The following LIMCH1 variants were observed in gnomAD, a reference collection of about 807,000 sequenced individuals.
LIMCH1 encodes the protein LIM and calponin homology domains-containing protein 1.
A neutral mutation model predicts 176.5 loss-of-function variants in LIMCH1; 113 were observed. That is an observed-to-expected ratio of 0.64 (90% CI 0.55 to 0.75). LIMCH1 has a LOEUF of 0.75. LIMCH1 is among the 30% of genes least tolerant of loss of function. The pLI is 0.00. For synonymous variants in LIMCH1, 619 were observed against 645.9 expected, an observed-to-expected ratio of 0.96 and a Z score of 0.63; for missense variants, 1,674 against 1,814.9, an observed-to-expected ratio of 0.92 and a Z score of 1.41.
chr4:41,450,173 GTTATATA>G (rs888954429), intron 1 of LIMCH1, among the ~76,000 whole-genome samples: 1 of 152,168 alleles, frequency 6.6e-6, no homozygotes, highest in African/African-American at 2.4e-5. Flanking sequence ...CACAATTAAA[GTTATATA>G]TTATTAGGGA....
intron 22 of LIMCH1, among the ~76,000 whole-genome samples, chr4:41,675,335 A>C (rs2095180249): frequency 6.6e-6 from 1 of 151,890 alleles, no homozygotes; most frequent in Admixed American, 6.6e-5. Context: ...CACTAACTGG[A>C]TGTATCAAAA....
At position 41,650,551 on chromosome 4, in the gene LIMCH1, C is replaced by T; in HGVS notation, c.2979C>T (p.Asp993=). 6.2e-7 allele frequency: 1 copy of T among 1,613,994 alleles called. No individual in the cohort carries two copies. The highest frequency in any genetic ancestry group is 8.5e-7 in the Non-Finnish European group (1 of 1,179,994). ...VHGSPLELKQ[D]NGSIEINIKK... is the part of the protein sequence containing the mutation. ...GGTCTCCACTGGAGCTGAAACAAGA[C>T]AACGGTAGCATCGAGATCAACATAA... is the stretch of plus-strand genomic sequence containing the variant. Residue 993 remains aspartate (D), a synonymous_variant, in exon 18 of 32, where the codon GAC becomes GAT. Coordinates refer to ENST00000503057, the MANE Select transcript of LIMCH1 (RefSeq NM_001330672.2).
At chr4:41,430,263 T>C (rs192726483) in intron 1 of LIMCH1, among the ~76,000 whole-genome samples, 5 of 152,256 alleles carry the variant, frequency 3.3e-5, no homozygotes, top group Non-Finnish European at 5.9e-5. Flanking sequence ...TTTTATTATA[T>C]TTATCTATTT....
chr4:41,670,736 G>A (rs1329742388), intron 21 of LIMCH1: 2 of 1,535,890 alleles, frequency 1.3e-6, no homozygotes, highest in Admixed American at 2.0e-5. Flanking sequence ...GGCACTGCCA[G>A]TGTTCCGCTT....
intron 1 of LIMCH1, among the ~76,000 whole-genome samples, chr4:41,541,492 T>C (rs552142962): frequency 2.0e-5 from 3 of 152,354 alleles, no homozygotes; most frequent in African/African-American, 7.2e-5. Context: ...TGGTGAATCC[T>C]TTTTTGACTC....
At chr4:41,367,203 A>G (rs2053146591) in intron 1 of LIMCH1, among the ~76,000 whole-genome samples, 1 of 152,188 alleles carries the variant, frequency 6.6e-6, no homozygotes, top group Non-Finnish European at 1.5e-5. Context: ...GAGCCAAACC[A>G]TATCAGGATG....
chr4:41,627,144 A>T (rs1199237457), intron 8 of LIMCH1, 134 bp downstream of exon 8: 1 of 1,215,828 alleles, frequency 8.2e-7, no homozygotes, highest in African/African-American at 1.5e-5. Context: ...CCTCTCAATT[A>T]TATGTACTTT....
At chr4:41,366,376 GT>G (rs1214214987) in intron 1 of LIMCH1, among the ~76,000 whole-genome samples, 1 of 152,108 alleles carries the variant, frequency 6.6e-6, no homozygotes, top group African/African-American at 2.4e-5. Flanking sequence ...CTGGAATTAG[GT>G]TTTCCTTTTA....
At chr4:41,609,614 A>G (rs768536162) in intron 4 of LIMCH1, 8 of 455,720 alleles carry the variant, frequency 1.8e-5, no homozygotes, top group South Asian at 1.2e-4. Flanking sequence ...CACCAGTCCT[A>G]GCTGGTTCTT....
intron 9 of LIMCH1, 84 bp from the exon 10 acceptor site, chr4:41,631,064 A>C: frequency 9.0e-7 from 1 of 1,117,122 alleles, no homozygotes; most frequent in Admixed American, 3.2e-5. Flanking sequence ...AACTACTTCT[A>C]GTTTTTTTTT....
chr4:41,488,180 T>C (rs1200132451), intron 1 of LIMCH1, among the ~76,000 whole-genome samples: 2 of 152,186 alleles, frequency 1.3e-5, no homozygotes, highest in African/African-American at 4.8e-5. Flanking sequence ...TAGAACATAA[T>C]GCTTTTGACA....
chr4:41,613,248 C>A (rs1180586051), intron 4 of LIMCH1: 2 of 874,286 alleles, frequency 2.3e-6, no homozygotes, highest in African/African-American at 1.7e-5. Flanking sequence ...TTAAAAAAAA[C>A]GTTGTGCATG....
At chr4:41,422,371 A>G (rs2060680661) in intron 1 of LIMCH1, among the ~76,000 whole-genome samples, 1 of 152,042 alleles carries the variant, frequency 6.6e-6, no homozygotes, top group Non-Finnish European at 1.5e-5. Context: ...AATTTTTAGT[A>G]GTGACGAGGT....
At chr4:41,471,290 T>C (rs2066924813) in intron 1 of LIMCH1, among the ~76,000 whole-genome samples, 1 of 152,160 alleles carries the variant, frequency 6.6e-6, no homozygotes, top group Non-Finnish European at 1.5e-5. Flanking sequence ...GCATTATGAG[T>C]GTGGGGGCAC....
chr4:41,527,174 A>G (rs984977473), intron 3 of LIMCH1, among the ~76,000 whole-genome samples: 4 of 152,254 alleles, frequency 2.6e-5, no homozygotes, highest in African/African-American at 9.6e-5. Flanking sequence ...ATGATCTTTT[A>G]TTATAGAATA....
At chr4:41,591,759 C>T (rs753729292) in intron 1 of LIMCH1, among the ~76,000 whole-genome samples, 2 of 152,042 alleles carry the variant, frequency 1.3e-5, no homozygotes, top group African/African-American at 4.8e-5. Flanking sequence ...ATGAGCATTC[C>T]CTTCATTTTC....
intron 4 of LIMCH1, among the ~76,000 whole-genome samples, chr4:41,611,548 T>A (rs1301866128): frequency 6.6e-6 from 1 of 152,228 alleles, no homozygotes; most frequent in Admixed American, 6.5e-5. Flanking sequence ...CTATACCGTT[T>A]GGGATTTGGA....
At chr4:41,572,011 C>T (rs770291140) in intron 1 of LIMCH1, among the ~76,000 whole-genome samples, 1 of 151,976 alleles carries the variant, frequency 6.6e-6, no homozygotes, top group African/African-American at 2.4e-5. Flanking sequence ...TCTACCTAAG[C>T]GTGAATGAAA....
chr4:41,601,285 A>G (rs2089876273), intron 2 of LIMCH1, among the ~76,000 whole-genome samples: 1 of 152,232 alleles, frequency 6.6e-6, no homozygotes, highest in East Asian at 1.9e-4. Context: ...CATTGCAGGA[A>G]GTGATAAGTG....
Sources: allele counts gnomAD v4.1 joint callset (sites outside exome capture counted in the v4.1 genomes callset), GRCh38; gene constraint gnomAD v4.1.1; transcripts MANE v1.5; gene names NCBI Gene and HGNC (gene_info 2026-07-23, HGNC 2026-07-21).